DOCK10: variants seen among roughly 807,000 people sequenced by gnomAD.
DOCK10 encodes the protein dedicator of cytokinesis 10, also known as dedicator of cytokinesis protein 10.
A neutral mutation model predicts 280.1 loss-of-function variants in DOCK10; 145 were observed. The ratio of observed to expected loss-of-function variants is 0.52; its 90% confidence interval spans 0.45 to 0.59. The LOEUF is 0.59. Ranked by LOEUF, DOCK10 falls within the 20% of genes least tolerant of loss-of-function variation. The pLI is 0.00. For synonymous variants in DOCK10, 915 were observed against 942.2 expected, an observed-to-expected ratio of 0.97 and a Z score of 0.53; for missense variants, 2,368 against 2,651.7, an observed-to-expected ratio of 0.89 and a Z score of 2.35.
rs1430495158 is a variant in DOCK10, at chr2:224,864,788, T to G, written c.1479+78A>C. On this transcript the variant is annotated intron_variant, in intron 12 of 55. Transcript: ENST00000258390. ...TTAAGGGAATTTTTATTCAGGAAATTGCTCATCTTATATGATCTATTGGTA... is the reference window on the plus strand; with the variant it reads ...TTAAGGGAATTTTTATTCAGGAAATGGCTCATCTTATATGATCTATTGGTA... 2.5e-6 allele frequency: 4 copies of G among 1,587,776 alleles called. No homozygotes were observed. In the African/African-American group the frequency reaches 5.4e-5, roughly 22 times the overall value.
At chr2:224,956,298 C>T (rs1284457612) in intron 1 of DOCK10, among the ~76,000 whole-genome samples, 3 of 152,164 alleles carry the variant, frequency 2.0e-5, no homozygotes, top group African/African-American at 4.8e-5. Context: ...CAGTAGCTCT[C>T]ATTTGGGGGG....
Position 224,811,877 on chromosome 2 carries a change from T to G in DOCK10, c.3409+2443A>C, listed in dbSNP as rs539973786. Among the ~76,000 whole-genome samples the G allele has an allele frequency of 5.1e-4, 78 of 152,192 alleles. No homozygotes were observed. In the East Asian group the frequency reaches 0.014, roughly 28 times the overall value. On this transcript the variant is annotated intron_variant, in intron 31 of 55. Coordinates refer to ENST00000258390, the MANE Select transcript of DOCK10 (RefSeq NM_014689.3). ...TTTTGGTACCAGTACCATGCTGTTT[T>G]GGTTACTGTAGCCTTGTAGTATAGT...
Position 224,852,497 on chromosome 2 carries a change from A to C in DOCK10, c.2077-55T>G, listed in dbSNP as rs1318090566. 4 of 1,423,650 alleles carry C rather than the reference A, an allele frequency of 2.8e-6. No individual in the cohort carries two copies. The African/African-American group carries it at 5.7e-5, about 20-fold the overall frequency. 88.2% of individuals were successfully genotyped at this position (1,423,650 alleles called of 1,614,324 possible). A position where few individuals can be genotyped will look rare whatever the true frequency, so the allele number is the denominator to read the frequency against. On this transcript the variant is annotated intron_variant, in intron 17 of 55. Transcript: ENST00000258390. ...TGTAATTTCCTATCAAATAACATAA[A>C]AAACCCAAGTGCCTAAAATAAGTAG...
intron 1 of DOCK10, among the ~76,000 whole-genome samples, chr2:225,014,081 AT>A (rs1179753674): frequency 1.1e-4 from 11 of 96,820 alleles, no homozygotes; most frequent in Non-Finnish European, 1.9e-4. Context: ...GTCTGAATAT[AT>A]TGTTTTTTTT....
chr2:224,974,347 C>T (rs946640406), intron 1 of DOCK10, among the ~76,000 whole-genome samples: 1 of 152,112 alleles, frequency 6.6e-6, no homozygotes, highest in Non-Finnish European at 1.5e-5. Context: ...ATTTCAAAAA[C>T]CCTAAGCTTT....
intron 1 of DOCK10, among the ~76,000 whole-genome samples, chr2:224,978,258 C>G (rs572835938): frequency 1.3e-5 from 2 of 152,056 alleles, no homozygotes; most frequent in Non-Finnish European, 2.9e-5. Context: ...CATGGTGATA[C>G]CTCGTCTCTA....
At chr2:225,020,989 TG>T (rs1232534568) in intron 1 of DOCK10, among the ~76,000 whole-genome samples, 1 of 152,208 alleles carries the variant, frequency 6.6e-6, no homozygotes, top group East Asian at 1.9e-4. Flanking sequence ...AGCTACACTT[TG>T]GGGGCCAGTT....
intron 27 of DOCK10, 26 bp downstream of exon 27, chr2:224,830,515 T>C (rs752782598): frequency 9.2e-6 from 11 of 1,199,054 alleles, no homozygotes; most frequent in African/African-American, 3.1e-5. Flanking sequence ...AAAAATATTA[T>C]AATATTATAT....
At chr2:224,825,865 T>G (rs561337870) in intron 27 of DOCK10, among the ~76,000 whole-genome samples, 3 of 152,270 alleles carry the variant, frequency 2.0e-5, no homozygotes, top group African/African-American at 7.2e-5. Flanking sequence ...AGCTGGACCA[T>G]GATGAATCTG....
chr2:224,864,832 T>A, intron 12 of DOCK10, 34 bp downstream of exon 12: 1 of 1,611,828 alleles, frequency 6.2e-7, no homozygotes, highest in Middle Eastern at 1.7e-4. Context: ...GGTACAAGCA[T>A]TTTCCATCTC....
intron 1 of DOCK10, among the ~76,000 whole-genome samples, chr2:225,004,034 T>C (rs781418202): frequency 2.0e-5 from 3 of 152,262 alleles, no homozygotes; most frequent in Admixed American, 6.5e-5. Flanking sequence ...CTCAGCATTT[T>C]CTCGTTTCGT....
At chr2:224,788,104 T>C (rs1691863152) in intron 48 of DOCK10, among the ~76,000 whole-genome samples, 1 of 152,018 alleles carries the variant, frequency 6.6e-6, no homozygotes, top group Non-Finnish European at 1.5e-5. Context: ...AAAAAAAAAG[T>C]TCCCCTTCTG....
intron 1 of DOCK10, among the ~76,000 whole-genome samples, chr2:224,951,698 C>A (rs993499409): frequency 1.3e-5 from 2 of 152,152 alleles, no homozygotes; most frequent in East Asian, 3.9e-4. Context: ...GCATTCAGTG[C>A]GGCTCAGCTG....
At position 224,874,273 on chromosome 2, in the gene DOCK10, T is replaced by A; in HGVS notation, c.1094A>T (p.Asp365Val). 6.2e-7 allele frequency: 1 copy of A among 1,613,090 alleles called. No individual in the cohort carries two copies. Among genetic ancestry groups the A allele is most frequent in the Non-Finnish European group, 8.5e-7 (1 of 1,179,476 alleles). ...ERLNLFSLDP[D>V]IDTLKLQKKD... is the part of the protein sequence containing the mutation. The stretch of plus-strand genomic sequence containing the variant: ...GAAAAAATTTTGACTTACATCTATG[T>A]CTGGATCTAGAGAGAACAGATTTAG... Residue 365 changes from aspartate to valine, a missense_variant, in exon 10 of 56, where the codon GAC becomes GTC. Transcript: ENST00000258390.
In DOCK10 at chr2:224,775,083, G is replaced by C. The variant is rs763012558; in HGVS notation, c.5835C>G (p.Ala1945=). The change falls in exon 52 of 56, where the codon GCC becomes GCG. Residue 1945 remains alanine (A), a synonymous_variant. Transcript: ENST00000258390. ...GCGTCACATAGGTCACCTGGATGTA[G>C]GCATATTTGGGGTCCAAATCCTTGG... ...VNPKDLDPKY[A]YIQVTYVTPF... 6.2e-7 allele frequency: 1 copy of C among 1,613,914 alleles called. No individual in the cohort carries two copies. Among genetic ancestry groups the C allele is most frequent in the African/African-American group, 1.3e-5 (1 of 74,930 alleles).
At chr2:224,962,151 A>G (rs1375597856) in intron 1 of DOCK10, among the ~76,000 whole-genome samples, 4 of 152,126 alleles carry the variant, frequency 2.6e-5, no homozygotes, top group African/African-American at 4.8e-5. Flanking sequence ...ACACATCTCT[A>G]CCAGGAATCA....
Position 224,844,810 on chromosome 2 carries a change from A to G in DOCK10, c.2511T>C (p.Asp837=). Residue 837 remains aspartate (D), a synonymous_variant, in exon 22 of 56, where the codon GAT becomes GAC. Coordinates refer to ENST00000258390, the MANE Select transcript of DOCK10 (RefSeq NM_014689.3). ...KHGGSDIKWV[D]GGKPLFKVST... Reference sequence around the variant, plus strand: ...ACACTTTGAAAAGTGGTTTGCCACCATCAACCCATTTAATGTCACTCCCAC... The same window carrying G: ...ACACTTTGAAAAGTGGTTTGCCACCGTCAACCCATTTAATGTCACTCCCAC... The G allele has an allele frequency of 6.2e-7, 1 of 1,608,044 alleles. No individual in the cohort carries two copies.
At chr2:224,959,697 A>G (rs1704254644) in intron 1 of DOCK10, among the ~76,000 whole-genome samples, 1 of 152,212 alleles carries the variant, frequency 6.6e-6, no homozygotes, top group South Asian at 2.1e-4. Context: ...TAATTTATTG[A>G]TAATATCTTG....
At chr2:224,882,711 C>T (rs1424623423) in intron 7 of DOCK10, among the ~76,000 whole-genome samples, 1 of 152,144 alleles carries the variant, frequency 6.6e-6, no homozygotes, top group Non-Finnish European at 1.5e-5. Flanking sequence ...TCAACGGAAC[C>T]TGGCAATGAT....
Sources: gnomAD v4.1 joint callset for allele counts (sites outside exome capture counted in the v4.1 genomes callset) on GRCh38, gnomAD v4.1.1 for gene constraint, MANE v1.5 for transcripts, NCBI Gene and HGNC (gene_info 2026-07-23, HGNC 2026-07-21) for gene names.